The following PDZD2 variants were observed in gnomAD, a reference collection of about 807,000 sequenced individuals.
The protein encoded by PDZD2 is PDZ domain containing 2.
A neutral mutation model predicts 220.7 loss-of-function variants in PDZD2; 90 were observed. The ratio of observed to expected loss-of-function variants is 0.41; its 90% CI spans 0.34 to 0.49. PDZD2 has a LOEUF of 0.49. Ranked by LOEUF, PDZD2 falls within the 20% of genes least tolerant of loss-of-function variation. PDZD2 has a pLI of 0.28. For missense variants in PDZD2, 3,174 were observed against 3,608.5 expected (o/e 0.88, Z 3.08); for synonymous variants, 1,375 against 1,450.5 (o/e 0.95, Z 1.18).
chr5:31,927,723 G>C (rs1448294827), intron 2 of PDZD2, among the ~76,000 whole-genome samples: 1 of 152,214 alleles, frequency 6.6e-6, no homozygotes, highest in African/African-American at 2.4e-5. Flanking sequence ...TGCCCGAAGT[G>C]ACTGGCCCTT....
At chr5:31,974,367 A>T (rs1749567318) in intron 2 of PDZD2, among the ~76,000 whole-genome samples, 1 of 152,202 alleles carries the variant, frequency 6.6e-6, no homozygotes, top group South Asian at 2.1e-4. Flanking sequence ...AAAAGAAAAA[A>T]AAAATTATTT....
intron 1 of PDZD2, among the ~76,000 whole-genome samples, chr5:31,793,924 C>T (rs1029674948): frequency 6.6e-6 from 1 of 152,118 alleles, no homozygotes. Context: ...CAAATTTGGG[C>T]GGAGTTAGTA....
intron 1 of PDZD2, among the ~76,000 whole-genome samples, chr5:31,657,979 T>C (rs1180784730): frequency 6.6e-6 from 1 of 152,200 alleles, no homozygotes; most frequent in Non-Finnish European, 1.5e-5. Context: ...CCTATCTTTT[T>C]TCCTTTAGTT....
chr5:31,654,075 C>T (rs750922921), intron 1 of PDZD2, among the ~76,000 whole-genome samples: 3 of 152,156 alleles, frequency 2.0e-5, no homozygotes, highest in African/African-American at 2.4e-5. Context: ...TGGGCCACCG[C>T]GCCTGGCCCC....
At position 32,083,589 on chromosome 5, in the gene PDZD2, G is replaced by A. The variant is rs1425183461; in HGVS notation, c.3683-3542G>A. The A allele has an allele frequency of 1.3e-5, 2 of 152,180 alleles. No individual in the cohort carries two copies. The highest frequency in any genetic ancestry group is 1.3e-4 in the Admixed American group (2 of 15,272). The allele number at this position is 152,180 out of a possible 1,614,324, so 9.4% of individuals were successfully genotyped here. ...CAGTGTAACCTCGTCTCCCTCAGAT[G>A]AAGACCTTTTAAGTTACAGACTTTG... On this transcript the variant is annotated intron_variant, in intron 19 of 24. Transcript: ENST00000438447. This position sits in a 1 kb window ranked among gnomAD's most constrained non-coding sequence, Gnocchi z 4.1.
chr5:31,829,387 G>A (rs1756415120), intron 2 of PDZD2, among the ~76,000 whole-genome samples: 1 of 151,534 alleles, frequency 6.6e-6, no homozygotes, highest in African/African-American at 2.4e-5. Context: ...GAGTGCAGTG[G>A]CATGATCTCA....
chr5:31,989,416 C>CTTTTTTTTTTTTTTTTTTTTTTATTT (rs1385913596), intron 3 of PDZD2, among the ~76,000 whole-genome samples: 1 of 120,642 alleles, frequency 8.3e-6, no homozygotes, highest in African/African-American at 3.5e-5. Flanking sequence ...ACCACATTTT[C>CTTTTTTTTTTTTTTTTTTTTTTATTT]TTTTCTTTTT....
At chr5:32,107,478 G>A (rs1310562932) in intron 24 of PDZD2, 1 of 152,592 alleles carries the variant, frequency 6.6e-6, no homozygotes, top group African/African-American at 2.4e-5. Context: ...GATCGCTTGA[G>A]CCCAGTGAGG....
chr5:32,081,186 C>T (rs1229435448), intron 19 of PDZD2, among the ~76,000 whole-genome samples: 2 of 152,098 alleles, frequency 1.3e-5, no homozygotes, highest in South Asian at 2.1e-4. Flanking sequence ...GCCCCGTACT[C>T]CCTGGAGCTC....
At chr5:32,022,345 A>G (rs1754284412) in intron 6 of PDZD2, among the ~76,000 whole-genome samples, 1 of 144,872 alleles carries the variant, frequency 6.9e-6, no homozygotes. Flanking sequence ...CTACAGGCGC[A>G]CACCGCCACT....
Position 32,037,314 on chromosome 5 carries a change from T to C in PDZD2, c.1491T>C (p.Asn497=). ...TGGAAAGTCCCAAACAGGGCAGCAA[T>C]AAAATCAAGCTCAAGAGTCGCCTTT... ...GNLESPKQGS[N]KIKLKSRLSG... The change falls in exon 7 of 25, where the codon AAT becomes AAC. Residue 497 remains asparagine, a synonymous_variant. Transcript: ENST00000438447. 6.2e-7 allele frequency: 1 copy of C among 1,612,296 alleles called. No individual in the cohort carries two copies.
chr5:31,662,912 G>A (rs1031025283), intron 1 of PDZD2, among the ~76,000 whole-genome samples: 13 of 152,344 alleles, frequency 8.5e-5, no homozygotes, highest in African/African-American at 2.6e-4. Context: ...TTACAGGTGT[G>A]AGCCACCTCA....
Position 31,741,798 on chromosome 5 carries a change from C to G in PDZD2, c.-360-57091C>G, listed in dbSNP as rs534316811. 3 of 152,450 alleles carry G rather than the reference C, an allele frequency of 2.0e-5. No individual in the cohort carries two copies. The East Asian group carries it at 5.8e-4, about 29-fold the overall frequency. The allele number at this position is 152,450 out of a possible 1,614,324, so 9.4% of individuals were successfully genotyped here. A position where few individuals can be genotyped will look rare whatever the true frequency, so the allele number is the denominator to read the frequency against. Reference sequence around the variant, plus strand: ...ACTCTCATGCTGCCTGCAACTCTCTCCTACTGAAAACTGCTCTTTGGAAAG... The same window carrying G: ...ACTCTCATGCTGCCTGCAACTCTCTGCTACTGAAAACTGCTCTTTGGAAAG... On this transcript the variant is annotated intron_variant, in intron 1 of 24. Coordinates refer to ENST00000438447, the MANE Select transcript of PDZD2 (RefSeq NM_178140.4).
intron 1 of PDZD2, among the ~76,000 whole-genome samples, chr5:31,664,047 A>G (rs1745883700): frequency 6.6e-6 from 1 of 152,260 alleles, no homozygotes. Context: ...CGGTGATGAT[A>G]TAGAGGGGTC....
intron 1 of PDZD2, among the ~76,000 whole-genome samples, chr5:31,659,936 C>T (rs958333376): frequency 2.4e-4 from 36 of 152,154 alleles, no homozygotes; most frequent in African/African-American, 7.7e-4. Context: ...CATACTTTGT[C>T]GACATCATTT....
intron 2 of PDZD2, among the ~76,000 whole-genome samples, chr5:31,859,193 A>C (rs1333841129): frequency 6.6e-6 from 1 of 152,184 alleles, no homozygotes; most frequent in Non-Finnish European, 1.5e-5. Context: ...TCCTTAAAAA[A>C]ACATAGCCTT....
intron 6 of PDZD2, among the ~76,000 whole-genome samples, chr5:32,036,712 A>T (rs1755584161): frequency 6.6e-6 from 1 of 152,230 alleles, no homozygotes. Flanking sequence ...CATTTGGTTG[A>T]CTAAAATGTA....
intron 2 of PDZD2, among the ~76,000 whole-genome samples, chr5:31,874,316 A>G (rs992442920): frequency 1.3e-5 from 2 of 152,210 alleles, no homozygotes; most frequent in Non-Finnish European, 2.9e-5. Context: ...AAAATCAATC[A>G]TCACAGGTGA....
At chr5:32,049,682 C>T (rs970307371) in intron 8 of PDZD2, among the ~76,000 whole-genome samples, 15 of 152,272 alleles carry the variant, frequency 9.9e-5, no homozygotes, top group Admixed American at 2.6e-4. Flanking sequence ...CTGTTGCTTC[C>T]GATGCCCTTT....
Sources: gnomAD v4.1 joint callset for allele counts (sites outside exome capture counted in the v4.1 genomes callset) on GRCh38, gnomAD v4.1.1 for gene constraint, Gnocchi (gnomAD v3.1) non-coding constraint, MANE v1.5 for transcripts, NCBI Gene and HGNC (gene_info 2026-07-23, HGNC 2026-07-21) for gene names.